Variants in LRIT1 observed in about 807,000 individuals in gnomAD.
The protein encoded by LRIT1 is leucine-rich repeat, immunoglobulin-like domain and transmembrane domain-containing protein 1.
Under a neutral mutation model 24.0 loss-of-function variants are expected in LRIT1, and 23 were observed. That is an observed-to-expected ratio of 0.96 (90% CI 0.69 to 1.36). The LOEUF (loss-of-function observed/expected upper bound fraction) is 1.36, where lower values mean the gene tolerates loss of function less well. Ranked by LOEUF, LRIT1 falls within the 40% of genes most tolerant of loss-of-function variation. The pLI, the probability that LRIT1 is intolerant of heterozygous loss-of-function variation, is 0.00. For synonymous variants in LRIT1, 361 were observed against 340.5 expected, an observed-to-expected ratio of 1.06 and a Z score of -0.66; for missense variants, 846 against 806.3, an observed-to-expected ratio of 1.05 and a Z score of -0.60.
rs1430070827 is a variant in LRIT1, at chr10:84,231,553, C to T, written c.*374G>A. ...GAGCAGAGCCACCCTAATCAACCCA[C>T]AGGCCTGTGAGTGTGAAAATAAGTG... On this transcript the variant is annotated 3_prime_UTR_variant, in exon 4 of 4. Transcript: ENST00000372105. 2 of 236,978 alleles carry T rather than the reference C, an allele frequency of 8.4e-6. No individual in the cohort carries two copies. The highest frequency in any genetic ancestry group is 4.5e-5 in the African/African-American group (2 of 44,610). The allele number at this position is 236,978 out of a possible 1,614,324, so 14.7% of individuals were successfully genotyped here.
chr10:84,241,405 G>A lies in LRIT1; in HGVS notation c.35C>T (p.Ala12Val), dbSNP rs539561651. The A allele has an allele frequency of 6.2e-7, 1 of 1,607,808 alleles. No individual in the cohort carries two copies. Among genetic ancestry groups the A allele is most frequent in the African/African-American group, 1.3e-5 (1 of 74,620 alleles). ...RVALGMLWLL[A>V]LAWPPQARGF... ...CCGGGCCTGGGGGGGCCACGCAAGG[G>A]CCAAGAGCCAGAGCATGCCTAATGC... The change falls in exon 1 of 4, where the codon GCC (alanine) becomes GTC (valine). Residue 12 changes from alanine to valine, a missense_variant. By Grantham distance (64) the Ala-to-Val change is moderately conservative. Coordinates refer to ENST00000372105, the MANE Select transcript of LRIT1 (RefSeq NM_015613.3).
rs1354698124 is a variant in LRIT1, at chr10:84,234,076, T to C, written c.892A>G (p.Thr298Ala). The C allele has an allele frequency of 6.5e-7, 1 of 1,533,804 alleles. No individual in the cohort carries two copies. Among genetic ancestry groups the C allele is most frequent in the Non-Finnish European group, 8.8e-7 (1 of 1,142,102 alleles). ...AGCATCCCTGTAGCTCACATACCTG[T>C]ACCATTAAGGGGCCTGCCATTGGCC... Reference protein sequence around the residue: ...RRANGRPLNGTVHQEVSSDGT... With the variant: ...RRANGRPLNGAVHQEVSSDGT... Residue 298 changes from threonine to alanine, a missense_variant, in exon 3 of 4, where the codon ACA becomes GCA. Transcript: ENST00000372105.
At chr10:84,238,269 C>T (rs542214162) in intron 1 of LRIT1, among the ~76,000 whole-genome samples, 3 of 151,644 alleles carry the variant, frequency 2.0e-5, no homozygotes, top group East Asian at 1.9e-4. Flanking sequence ...GCGGGACAAT[C>T]GCTTGAACCT....
At chr10:84,238,867 C>G (rs1031252500) in intron 1 of LRIT1, among the ~76,000 whole-genome samples, 4 of 152,208 alleles carry the variant, frequency 2.6e-5, no homozygotes, top group African/African-American at 9.7e-5. Flanking sequence ...AGGAGGCAGT[C>G]CCTGCCCTCA....
At chr10:84,241,256 C>A (rs1842688228) in intron 1 of LRIT1, 62 bp downstream of exon 1, 6 of 1,610,208 alleles carry the variant, frequency 3.7e-6, no homozygotes. Flanking sequence ...CTCCTCCCAA[C>A]CCAGCCTAGC....
At chr10:84,234,436 C>T (rs1842632182) in intron 2 of LRIT1, 58 bp from the exon 3 acceptor site, 3 of 1,366,708 alleles carry the variant, frequency 2.2e-6, no homozygotes, top group Non-Finnish European at 3.0e-6. Context: ...TCCTCAGGCC[C>T]AGCACCCCTT....
At position 84,234,194 on chromosome 10, in the gene LRIT1, T is replaced by C. The variant is rs143739871; in HGVS notation, c.774A>G (p.Pro258=). Residue 258 remains proline, a synonymous_variant, in exon 3 of 4, where the codon CCA becomes CCG. Transcript: ENST00000372105. ...LRKCQGPELH[P]GVASIRSLLG... ...AAAGGGACCTGATGCTGGCCACTCCTGGATGGAGCTCTGGGCCCTGGCACT... is the reference window on the plus strand; with the variant it reads ...AAAGGGACCTGATGCTGGCCACTCCCGGATGGAGCTCTGGGCCCTGGCACT... 19 of 1,613,954 alleles carry C rather than the reference T, an allele frequency of 1.2e-5. No homozygotes were observed. In the African/African-American group the frequency reaches 1.7e-4, roughly 15 times the overall value.
In LRIT1 at chr10:84,232,429, G is replaced by T. The variant is rs1564542719; in HGVS notation, c.1370C>A (p.Thr457Asn). 6.2e-7 allele frequency: 1 copy of T among 1,614,198 alleles called. No individual in the cohort carries two copies. The highest frequency in any genetic ancestry group is 8.5e-7 in the Non-Finnish European group (1 of 1,180,050). ...VWKAPQAKNTTAFSVLYAVFG... is the reference protein window; with the variant it reads ...VWKAPQAKNTNAFSVLYAVFG... ...GACCGCGTAGAGGACACTGAAGGCAGTTGTGTTCTTAGCCTGGGGTGCCTT... is the reference window on the plus strand; with the variant it reads ...GACCGCGTAGAGGACACTGAAGGCATTTGTGTTCTTAGCCTGGGGTGCCTT... The change falls in exon 4 of 4, where the codon ACT becomes AAT. Residue 457 changes from threonine (T) to asparagine (N), a missense_variant. Physicochemically the swap from Thr to Asn is moderately conservative, Grantham distance 65 (BLOSUM62 0). Coordinates refer to ENST00000372105, the MANE Select transcript of LRIT1 (RefSeq NM_015613.3).
intron 1 of LRIT1, 51 bp downstream of exon 1, chr10:84,241,267 T>C (rs1239214899): frequency 1.6e-5 from 25 of 1,612,182 alleles, no homozygotes; most frequent in South Asian, 8.8e-5. Context: ...CCAGCCTAGC[T>C]GGCAAAGCAA....
chr10:84,236,223 G>A (rs1842646350), intron 2 of LRIT1, among the ~76,000 whole-genome samples: 1 of 151,842 alleles, frequency 6.6e-6, no homozygotes, highest in South Asian at 2.1e-4. Context: ...GTGAACCCGG[G>A]AGGCAGAGCT....
chr10:84,237,439 AG>A lies in LRIT1; in HGVS notation c.369del (p.Trp124GlyfsTer44). ...RLPGNRLAAF[P>X]WAALRDAPKL... ...TTGGGGGCGTCCCTGAGCGCCGCCC[AG>A]GGGAAGGCGGCCAGGCGGTTCCCGG... On this transcript the variant is annotated frameshift_variant, in exon 2 of 4. Coordinates refer to ENST00000372105, the MANE Select transcript of LRIT1 (RefSeq NM_015613.3). LOFTEE classifies it high-confidence loss of function. 6.4e-7 allele frequency: 1 copy of A among 1,551,888 alleles called. No individual in the cohort carries two copies. Among genetic ancestry groups the A allele is most frequent in the African/African-American group, 1.4e-5 (1 of 73,618 alleles).
rs765701939 is a variant in LRIT1, at chr10:84,241,459, G to T, written c.-20C>A. 3.3e-6 allele frequency: 5 copies of T among 1,528,358 alleles called. No individual in the cohort carries two copies. The East Asian group carries it at 1.2e-4, about 37-fold the overall frequency. The allele number at this position is 1,528,358 out of a possible 1,614,324, so 94.7% of individuals were successfully genotyped here. ...CCTCATGGCTCCTGGCTCCTCTCTG[G>T]CCCAGGCAGGGGCCTGTCCCTGGAC... On this transcript the variant is annotated 5_prime_UTR_variant, in exon 1 of 4. Coordinates refer to ENST00000372105, the MANE Select transcript of LRIT1 (RefSeq NM_015613.3).
rs900091493 is a variant in LRIT1 at position 84,237,678 on chromosome 10, A to G, written c.131T>C (p.Val44Ala). The G allele has an allele frequency of 6.3e-7, 1 of 1,589,534 alleles. No individual in the cohort carries two copies. ...MGDGSKARTV[V>A]CNDPDMTLPP... ...CAGGGTCATGTCGGGGTCGTTGCAC[A>G]CTACTGTCCTGCTGGCAGAAATGAG... The change falls in exon 2 of 4, where the codon GTG (valine) becomes GCG (alanine). Residue 44 changes from valine (V) to alanine (A), a missense_variant. Transcript: ENST00000372105.
rs962370256 is a variant in LRIT1, at chr10:84,232,723, C to T, written c.1076G>A (p.Gly359Glu). Residue 359 changes from glycine (G) to glutamate (E), a missense_variant, in exon 4 of 4, where the codon GGA becomes GAA. Physicochemically the swap from Gly to Glu is moderately conservative, Grantham distance 98. Transcript: ENST00000372105. Reference protein sequence around the residue: ...PTSTEHSGSPGALWARTGGGG... With the variant: ...PTSTEHSGSPEALWARTGGGG... ...GCCACCTGTCCTTGCCCATAGTGCT[C>T]CTGGGCTCCCACTGTGTTCTGTGGA... The T allele has an allele frequency of 1.9e-6, 3 of 1,614,014 alleles. No individual in the cohort carries two copies. Among genetic ancestry groups the T allele is most frequent in the Non-Finnish European group, 2.5e-6 (3 of 1,179,994 alleles).
intron 2 of LRIT1, among the ~76,000 whole-genome samples, chr10:84,234,975 A>C (rs545956722): frequency 3.5e-4 from 53 of 152,278 alleles, no homozygotes; most frequent in African/African-American, 1.1e-3. Context: ...AAAGCAGATC[A>C]CTGTACCCAC....
At position 84,232,760 on chromosome 10, in the gene LRIT1, C is replaced by G. The variant is rs765615340; in HGVS notation, c.1039G>C (p.Glu347Gln). 6.2e-7 allele frequency: 1 copy of G among 1,614,026 alleles called. No individual in the cohort carries two copies. Among genetic ancestry groups the G allele is most frequent in the Non-Finnish European group, 8.5e-7 (1 of 1,180,016 alleles). Residue 347 changes from glutamate (E) to glutamine (Q), a missense_variant, in exon 4 of 4, where the codon GAG becomes CAG. Coordinates refer to ENST00000372105, the MANE Select transcript of LRIT1 (RefSeq NM_015613.3). ...CTGTGTTCTGTGGAAGTCGGTGGCT[C>G]AGTGACAATCAAGGAGATAACAGTT... is the stretch of plus-strand genomic sequence containing the variant. The part of the protein sequence containing the change: ...SETVISLIVT[E>Q]PPTSTEHSGS...
At chr10:84,241,014 A>G (rs1465972641) in intron 1 of LRIT1, among the ~76,000 whole-genome samples, 2 of 152,128 alleles carry the variant, frequency 1.3e-5, no homozygotes, top group African/African-American at 4.8e-5. Flanking sequence ...GATTTCCTGG[A>G]CCTTTAAGGA....
At position 84,234,208 on chromosome 10, in the gene LRIT1, G is replaced by A. The variant is rs760230075; in HGVS notation, c.760C>T (p.Pro254Ser). Reference protein sequence around the residue: ...SQLELRKCQGPELHPGVASIR... With the variant: ...SQLELRKCQGSELHPGVASIR... ...CTGGCCACTCCTGGATGGAGCTCTG[G>A]GCCCTGGCACTTCCTCAGTTCAAGC... is the stretch of plus-strand genomic sequence containing the variant. The change falls in exon 3 of 4, where the codon CCA becomes TCA. Residue 254 changes from proline to serine, a missense_variant. Physicochemically the swap from Pro to Ser is moderately conservative, Grantham distance 74. Transcript: ENST00000372105. 6.2e-7 allele frequency: 1 copy of A among 1,614,030 alleles called. No individual in the cohort carries two copies. Among genetic ancestry groups the A allele is most frequent in the Non-Finnish European group, 8.5e-7 (1 of 1,180,020 alleles).
chr10:84,233,346 A>ATT (rs35083855), intron 3 of LRIT1, among the ~76,000 whole-genome samples: 3 of 150,302 alleles, frequency 2.0e-5, no homozygotes, highest in Non-Finnish European at 3.0e-5. Context: ...ATATATATAT[A>ATT]TTTTTTTTTG....
Sources: gnomAD v4.1 joint callset for allele counts (sites outside exome capture counted in the v4.1 genomes callset) on GRCh38, gnomAD v4.1.1 for gene constraint, MANE v1.5 for transcripts, NCBI Gene and HGNC (gene_info 2026-07-23, HGNC 2026-07-21) for gene names.